The following NCOR2 variants were observed in gnomAD, a reference collection of about 807,000 sequenced individuals.
NCOR2 encodes nuclear receptor corepressor 2.
NCOR2 carries 81 observed loss-of-function variants against 262.9 expected under a neutral mutation model. The ratio of observed to expected loss-of-function variants is 0.31; its 90% CI spans 0.26 to 0.37. NCOR2 has a LOEUF of 0.37. Ranked by LOEUF, NCOR2 falls within the 10% of genes least tolerant of loss-of-function variation. NCOR2 has a pLI of 1.00. For missense variants in NCOR2, 3,385 were observed against 3,621.4 expected (o/e 0.93, Z 1.68); for synonymous variants, 1,659 against 1,559.3 (o/e 1.06, Z -1.51).
chr12:124,532,870 CTTCCCCCACCTCCAAATCCCACTCCTCTT>C (rs2050888223), intron 1 of NCOR2, among the ~76,000 whole-genome samples: 2 of 151,140 alleles, frequency 1.3e-5, no homozygotes, highest in East Asian at 2.0e-4. Context: ...CCCACTCCTC[CTTCCCCCACCTCCAAATCCCACTCCTCTT>C]TCCCCCCTCC....
chr12:124,360,240 C>T (rs1245985924), intron 22 of NCOR2, among the ~76,000 whole-genome samples: 7 of 152,246 alleles, frequency 4.6e-5, no homozygotes, highest in South Asian at 2.1e-4. Context: ...CACCCTGGGC[C>T]GCACACTGTA....
intron 27 of NCOR2, among the ~76,000 whole-genome samples, chr12:124,353,503 C>T (rs3782250): frequency 0.32 from 48,746 of 152,176 alleles, 8,178 homozygotes; most frequent in East Asian, 0.46. Context: ...ACTGTTAGAA[C>T]ATGCATGCAC....
At chr12:124,330,895 A>G in exon 44 of NCOR2, 1 of 1,580,776 alleles carries the variant, frequency 6.3e-7, no homozygotes, top group Non-Finnish European at 8.6e-7. Context: ...AGGCTGGCTG[A>G]TATCTGGAAG....
At chr12:124,342,604 G>A (rs1468649382) in intron 33 of NCOR2, among the ~76,000 whole-genome samples, 2 of 152,144 alleles carry the variant, frequency 1.3e-5, no homozygotes, top group East Asian at 1.9e-4. Context: ...TCCTGACCTT[G>A]TGATCCGCCT....
At chr12:124,419,853 TG>T in intron 13 of NCOR2, 103 bp downstream of exon 15, 1 of 1,035,158 alleles carries the variant, frequency 9.7e-7, no homozygotes, top group Non-Finnish European at 1.5e-6. Flanking sequence ...CAACAACTCA[TG>T]GAGACAGTTA....
At chr12:124,340,604 G>A in exon 35 of NCOR2, 1 of 1,498,198 alleles carries the variant, frequency 6.7e-7, no homozygotes, top group Non-Finnish European at 8.9e-7. Context: ...GGCGCTACCT[G>A]GGGAGAGTGG....
chr12:124,554,149 C>T (rs2051807971), intron 1 of NCOR2, among the ~76,000 whole-genome samples: 1 of 152,208 alleles, frequency 6.6e-6, no homozygotes, highest in Non-Finnish European at 1.5e-5. Context: ...TAAAGATGAC[C>T]GAGGGCACGA....
chr12:124,355,088 C>A, intron 24 of NCOR2, 149 bp from the exon 27 acceptor site: 1 of 677,276 alleles, frequency 1.5e-6, no homozygotes, highest in Non-Finnish European at 2.5e-6. Context: ...GTCACTGCTA[C>A]TCCCAAGCCT....
At chr12:124,546,925 T>C (rs2051562677) in intron 1 of NCOR2, among the ~76,000 whole-genome samples, 1 of 152,192 alleles carries the variant, frequency 6.6e-6, no homozygotes. Flanking sequence ...GACTGAACAA[T>C]GGCCCCAAAG....
intron 17 of NCOR2, among the ~76,000 whole-genome samples, chr12:124,381,756 C>T (rs2040425019): frequency 2.0e-5 from 3 of 152,170 alleles, no homozygotes; most frequent in Admixed American, 6.5e-5. Context: ...GAAAACAAGG[C>T]GGGGCTGGGC....
At chr12:124,416,874 C>T (rs1426322919) in intron 13 of NCOR2, among the ~76,000 whole-genome samples, 1 of 152,112 alleles carries the variant, frequency 6.6e-6, no homozygotes, top group African/African-American at 2.4e-5. Context: ...ACAGATAGAC[C>T]CGCCGCACAG....
chr12:124,467,932 CCCTCATCCT>C, intron 4 of NCOR2, among the ~76,000 whole-genome samples: 1 of 5,160 alleles, frequency 1.9e-4, no homozygotes, highest in Non-Finnish European at 3.9e-4. Context: ...CTTATCACCC[CCCTCATCCT>C]CATCACCCCC....
upstream of NCOR2, chr12:124,495,260 G>T (rs752339289): frequency 1.9e-6 from 3 of 1,609,572 alleles, no homozygotes; most frequent in East Asian, 6.7e-5. This position sits in a 1 kb window ranked among gnomAD's most constrained non-coding sequence, Gnocchi z 4.4. Context: ...ATGGTGGTGG[G>T]GGTCGGCGGG....
intron 15 of NCOR2, among the ~76,000 whole-genome samples, chr12:124,399,828 C>T (rs541293590): frequency 6.6e-6 from 1 of 152,278 alleles, no homozygotes; most frequent in East Asian, 1.9e-4. Context: ...ACCGCTGCCC[C>T]CTGCGGCGAA....
chr12:124,465,908 CCT>C (rs1422742037), intron 5 of NCOR2, among the ~76,000 whole-genome samples: 6 of 152,214 alleles, frequency 3.9e-5, no homozygotes, highest in African/African-American at 1.4e-4. Flanking sequence ...GAGCCCAAAA[CCT>C]CTGTTTTGTG....
chr12:124,333,404 G>A (rs1593085962), intron 41 of NCOR2, 125 bp from the exon 44 acceptor site: 1 of 883,132 alleles, frequency 1.1e-6, no homozygotes, highest in Non-Finnish European at 1.5e-6. Context: ...AAACGTTTTA[G>A]GCATTTTCGA....
chr12:124,397,051 C>T (rs894402401), intron 16 of NCOR2, among the ~76,000 whole-genome samples: 4 of 152,182 alleles, frequency 2.6e-5, no homozygotes, highest in Non-Finnish European at 5.9e-5. Flanking sequence ...AGCTCCGGAA[C>T]CCGTGGCACT....
chr12:124,330,373 A>C (rs2035076537), intron 44 of NCOR2, among the ~76,000 whole-genome samples: 1 of 152,268 alleles, frequency 6.6e-6, no homozygotes, highest in Non-Finnish European at 1.5e-5. Flanking sequence ...TTTTACACCT[A>C]TCTCTGCCAC....
chr12:124,366,583 T>A (rs2178082), intron 20 of NCOR2, among the ~76,000 whole-genome samples: 3 of 151,994 alleles, frequency 2.0e-5, no homozygotes, highest in Admixed American at 1.3e-4. Context: ...GTAATCTCAC[T>A]GCAGCCTTGA....
Sources: allele counts gnomAD v4.1 joint callset (sites outside exome capture counted in the v4.1 genomes callset), GRCh38; gene constraint gnomAD v4.1.1; non-coding constraint Gnocchi (gnomAD v3.1); transcripts MANE v1.5; gene names NCBI Gene and HGNC (gene_info 2026-07-23, HGNC 2026-07-21).